Variants in OR10G3 observed in about 807,000 individuals in gnomAD.
OR10G3 encodes the protein olfactory receptor 10G3.
OR10G3 carries 8 observed loss-of-function variants against 13.4 expected under a neutral mutation model. That is an observed-to-expected ratio of 0.60 (90% CI 0.35 to 1.08). The LOEUF is 1.08. Ranked by LOEUF, OR10G3 falls within the 50% of genes least tolerant of loss-of-function variation. The pLI, the probability that OR10G3 is intolerant of heterozygous loss-of-function variation, is 0.02. For synonymous variants in OR10G3, 142 were observed against 156.1 expected, an observed-to-expected ratio of 0.91 and a Z score of 0.67; for missense variants, 393 against 386.6, an observed-to-expected ratio of 1.02 and a Z score of -0.14.
chr14:21,576,203 T>C (rs1027427776), intron 1 of OR10G3, among the ~76,000 whole-genome samples: 2 of 152,208 alleles, frequency 1.3e-5, no homozygotes, highest in African/African-American at 4.8e-5. Flanking sequence ...GGGAAATCAG[T>C]TCACACTATT....
intron 1 of OR10G3, among the ~76,000 whole-genome samples, chr14:21,579,531 C>T (rs1876841017): frequency 6.6e-6 from 1 of 152,168 alleles, no homozygotes; most frequent in African/African-American, 2.4e-5. Flanking sequence ...AGGTGTGAGC[C>T]AACATGCTTG....
intron 1 of OR10G3, among the ~76,000 whole-genome samples, chr14:21,574,058 C>T (rs900275954): frequency 6.6e-6 from 1 of 152,060 alleles, no homozygotes; most frequent in African/African-American, 2.4e-5. Flanking sequence ...AATCCCAGCA[C>T]TTTGGGAGGC....
chr14:21,577,107 C>T (rs1032985801), intron 1 of OR10G3, among the ~76,000 whole-genome samples: 2 of 152,136 alleles, frequency 1.3e-5, no homozygotes, highest in Admixed American at 1.3e-4. Context: ...CAGGTAACCA[C>T]CCTTCTGCAT....
chr14:21,577,889 C>T (rs1246585559), intron 1 of OR10G3, among the ~76,000 whole-genome samples: 1 of 152,096 alleles, frequency 6.6e-6, no homozygotes, highest in Non-Finnish European at 1.5e-5. Flanking sequence ...GTAATCCCAG[C>T]TACTCAGGAG....
intron 1 of OR10G3, among the ~76,000 whole-genome samples, chr14:21,576,138 G>A (rs1893126828): frequency 6.6e-6 from 1 of 152,194 alleles, no homozygotes; most frequent in East Asian, 1.9e-4. Flanking sequence ...TGTTGTTAAA[G>A]TGTCCAGATT....
rs1456595445 is a variant in OR10G3, at chr14:21,580,024, C to A, written c.-256G>T. 1 of 152,208 alleles carries A rather than the reference C, an allele frequency of 6.6e-6. No homozygotes were observed. Among genetic ancestry groups the A allele is most frequent in the African/African-American group, 2.4e-5 (1 of 41,458 alleles). The allele number at this position is 152,208 out of a possible 1,614,324, so 9.4% of individuals were successfully genotyped here. The stretch of plus-strand genomic sequence containing the variant: ...TATCTGCTTCCAGCTTCCTTATGAA[C>A]TGGGGGAGGAGCTGTGGCTCTTACT... On this transcript the variant is annotated 5_prime_UTR_variant, in exon 1 of 2. Transcript: ENST00000641040.
intron 1 of OR10G3, among the ~76,000 whole-genome samples, chr14:21,571,461 G>C (rs972258659): frequency 1.3e-5 from 2 of 152,184 alleles, no homozygotes; most frequent in Non-Finnish European, 2.9e-5. Context: ...GGTACTTGGT[G>C]CTATATAATT....
chr14:21,571,519 G>A (rs1893069086), intron 1 of OR10G3, among the ~76,000 whole-genome samples: 1 of 152,176 alleles, frequency 6.6e-6, no homozygotes. Flanking sequence ...AGTAAAGAGA[G>A]GAGAGAAAGA....
intron 1 of OR10G3, among the ~76,000 whole-genome samples, chr14:21,575,283 G>A (rs367983225): frequency 1.5e-4 from 23 of 151,780 alleles, no homozygotes; most frequent in East Asian, 9.7e-4. Flanking sequence ...GGGTTTCACC[G>A]TGTTAGCCAG....
At chr14:21,575,226 A>C (rs10144411) in intron 1 of OR10G3, among the ~76,000 whole-genome samples, 81,763 of 150,470 alleles carry the variant, frequency 0.54, 22,554 homozygotes, top group African/African-American at 0.62. Flanking sequence ...GGACTACAGG[A>C]GCCCGCCACC....
intron 1 of OR10G3, among the ~76,000 whole-genome samples, chr14:21,578,265 G>T (rs1278356598): frequency 2.0e-5 from 3 of 151,880 alleles, no homozygotes; most frequent in South Asian, 4.2e-4. Context: ...ACAAAAATTA[G>T]CTGGGCATAG....
At chr14:21,570,807 G>A (rs933596878) in intron 1 of OR10G3, 46 bp from the exon 2 acceptor site, 5 of 1,100,386 alleles carry the variant, frequency 4.5e-6, no homozygotes, top group Non-Finnish European at 5.2e-6. Flanking sequence ...TGAGAGGAAA[G>A]TGAGGGGGAA....
At chr14:21,570,852 A>C in intron 1 of OR10G3, 91 bp from the exon 2 acceptor site, 1 of 702,794 alleles carries the variant, frequency 1.4e-6, no homozygotes, top group Non-Finnish European at 2.3e-6. Flanking sequence ...GGGCAGTGGC[A>C]GAGAAGTTTC....
At position 21,570,068 on chromosome 14, in the gene OR10G3, A is replaced by G. The variant is rs781027106; in HGVS notation, c.677T>C (p.Ile226Thr). The G allele has an allele frequency of 1.2e-6, 2 of 1,614,072 alleles. No individual in the cohort carries two copies. Among genetic ancestry groups the G allele is most frequent in the Non-Finnish European group, 1.7e-6 (2 of 1,180,030 alleles). ...CCCATCAGCTGTGTGGATTCTCAGGATGGCCTGAATGATCTGTATGTAGGA... is the reference window on the plus strand; with the variant it reads ...CCCATCAGCTGTGTGGATTCTCAGGGTGGCCTGAATGATCTGTATGTAGGA... ...LLSYIQIIQA[I>T]LRIHTADGRR... Residue 226 changes from isoleucine to threonine, a missense_variant, in exon 2 of 2, where the codon ATC becomes ACC. Transcript: ENST00000641040.
intron 1 of OR10G3, among the ~76,000 whole-genome samples, chr14:21,575,332 C>T (rs1343022006): frequency 6.6e-6 from 1 of 151,174 alleles, no homozygotes; most frequent in Non-Finnish European, 1.5e-5. Context: ...CTGCCCGCCT[C>T]GGCCTCCCAA....
In OR10G3 at chr14:21,570,429, GATAGAA is replaced by G. The variant is rs745599290; in HGVS notation, c.310_315del (p.Phe104_Tyr105del). On this transcript the variant is annotated inframe_deletion, in exon 2 of 2. Coordinates refer to ENST00000641040, the MANE Select transcript of OR10G3 (RefSeq NM_001005465.2). ...AAGCACTGGGTGCTGCCCAGGAAGT[GATAGAA>G]ATAGAGTTGAGCAACACAGCCACCA... 2.3e-4 allele frequency: 379 copies of G among 1,614,042 alleles called. 1 individual carries two copies. The highest frequency in any genetic ancestry group is 3.1e-4 in the Non-Finnish European group (367 of 1,180,038).
chr14:21,576,482 T>A (rs1490647138), intron 1 of OR10G3, among the ~76,000 whole-genome samples: 1 of 152,194 alleles, frequency 6.6e-6, no homozygotes, highest in Non-Finnish European at 1.5e-5. Flanking sequence ...AGGGAATACT[T>A]CAATTTTCCC....
At chr14:21,578,309 G>C (rs1876806194) in intron 1 of OR10G3, among the ~76,000 whole-genome samples, 2 of 152,038 alleles carry the variant, frequency 1.3e-5, no homozygotes, top group Admixed American at 1.3e-4. Flanking sequence ...TACACAGGAG[G>C]CTGAGGCAGG....
rs150102936 is a variant in OR10G3 at position 21,577,747 on chromosome 14, G to A, written c.-18+2039C>T. ...AGGGAGGCCGGGCGCGGTGGCTCAC[G>A]CCTGTAATCCCAGCATTTTGGGAGG... On this transcript the variant is annotated intron_variant, in intron 1 of 1. Transcript: ENST00000641040. Among the ~76,000 whole-genome samples the A allele has an allele frequency of 5.0e-3, 761 of 152,286 alleles. 5 individuals are homozygous for A. The highest frequency in any genetic ancestry group is 8.9e-3 in the Non-Finnish European group (605 of 68,018).
Sources: allele counts gnomAD v4.1 joint callset (sites outside exome capture counted in the v4.1 genomes callset), GRCh38; gene constraint gnomAD v4.1.1; transcripts MANE v1.5; gene names NCBI Gene and HGNC (gene_info 2026-07-23, HGNC 2026-07-21).